CARD6: variants seen among roughly 807,000 people sequenced by gnomAD.
CARD6 encodes the protein caspase recruitment domain-containing protein 6.
Under a neutral mutation model 23.6 loss-of-function variants are expected in CARD6, and 27 were observed. That is an observed-to-expected ratio of 1.14 (90% CI 0.84 to 1.58). CARD6 has a LOEUF of 1.58. Among genes scored for constraint, CARD6 ranks in the 40% most tolerant of loss-of-function variants. The pLI, the probability that CARD6 is intolerant of heterozygous loss-of-function variation, is 0.00. For synonymous variants in CARD6, 397 were observed against 431.8 expected (o/e 0.92, Z 1.00); for missense variants, 1,214 against 1,209.9 (o/e 1.00, Z -0.05).
Position 40,854,660 on chromosome 5 carries a change from G to C in CARD6, c.*214G>C. 1 of 520,154 alleles carries C rather than the reference G, an allele frequency of 1.9e-6. No individual in the cohort carries two copies. Among genetic ancestry groups the C allele is most frequent in the Non-Finnish European group, 3.4e-6 (1 of 292,588 alleles). The allele number at this position is 520,154 out of a possible 1,614,324, so 32.2% of individuals were successfully genotyped here. A position where few individuals can be genotyped will look rare whatever the true frequency, so the allele number is the denominator to read the frequency against. On this transcript the variant is annotated 3_prime_UTR_variant, in exon 3 of 3. Transcript: ENST00000254691. ...GGCTGGAGTGCAATGGCACGATCTCGGCTCACCGCAACCTCTGCTTCCTGG... is the reference window on the plus strand; with the variant it reads ...GGCTGGAGTGCAATGGCACGATCTCCGCTCACCGCAACCTCTGCTTCCTGG...
Position 40,852,750 on chromosome 5 carries a change from C to T in CARD6, c.1418C>T (p.Thr473Ile). The change falls in exon 3 of 3, where the codon ACA becomes ATA. Residue 473 changes from threonine to isoleucine, a missense_variant. Coordinates refer to ENST00000254691, the MANE Select transcript of CARD6 (RefSeq NM_032587.4). ...CSFSKSRILN[T>I]LLSPAQLKLH... ...TTCTCTAAGTCCAGAATCCTCAACA[C>T]ACTTCTCAGCCCTGCCCAGTTGAAA... The T allele has an allele frequency of 1.2e-6, 2 of 1,613,944 alleles. No individual in the cohort carries two copies. Among genetic ancestry groups the T allele is most frequent in the Middle Eastern group, 1.7e-4 (1 of 6,060 alleles).
rs1458125710 is a variant in CARD6, at chr5:40,852,173, GAAAGAA to G, written c.845_850del (p.Arg282_Lys283del). Reference sequence around the variant, plus strand: ...ATTCACTATTATCTTCTCTCCTACAGAAAGAAAAAAGGTGTTTAAAGATGTCCTGTT... The same window carrying G: ...ATTCACTATTATCTTCTCTCCTACAGAAAAGGTGTTTAAAGATGTCCTGTT... On this transcript the variant is annotated inframe_deletion and splice_region_variant, in exon 3 of 3. Coordinates refer to ENST00000254691, the MANE Select transcript of CARD6 (RefSeq NM_032587.4). The G allele has an allele frequency of 1.3e-6, 2 of 1,586,050 alleles. No homozygotes were observed. The highest frequency in any genetic ancestry group is 4.5e-5 in the East Asian group (2 of 44,578).
rs1488329505 is a variant in CARD6 at position 40,852,376 on chromosome 5, G to T, written c.1044G>T (p.Lys348Asn). The T allele has an allele frequency of 1.2e-6, 2 of 1,614,002 alleles. No individual in the cohort carries two copies. The highest frequency in any genetic ancestry group is 2.7e-5 in the African/African-American group (2 of 74,932). The change falls in exon 3 of 3, where the codon AAG becomes AAT. Residue 348 changes from lysine to asparagine, a missense_variant. Transcript: ENST00000254691. ...VTARDSILSH[K>N]VLDEDSKEDL... is the part of the protein sequence containing the mutation. ...CTAGGGATTCAATCCTCAGTCACAA[G>T]GTTCTGGATGAAGATAGCAAGGAGG...
rs755043489 is a variant in CARD6, at chr5:40,843,582, C to T, written c.714C>T (p.His238=). The change falls in exon 2 of 3, where the codon CAC becomes CAT. Residue 238 remains histidine, a synonymous_variant. Coordinates refer to ENST00000254691, the MANE Select transcript of CARD6 (RefSeq NM_032587.4). The part of the protein sequence containing the change: ...VEEEVYDDPE[H]VGYDGEEDFE... Reference sequence around the variant, plus strand: ...AGGAGGTTTATGATGACCCAGAGCACGTTGGATATGATGGTGAAGAGGACT... The same window carrying T: ...AGGAGGTTTATGATGACCCAGAGCATGTTGGATATGATGGTGAAGAGGACT... The T allele has an allele frequency of 1.7e-5, 28 of 1,611,162 alleles. No homozygotes were observed. The highest frequency in any genetic ancestry group is 2.7e-5 in the African/African-American group (2 of 74,654).
chr5:40,846,510 T>G (rs1400585667), intron 2 of CARD6, among the ~76,000 whole-genome samples: 1 of 152,046 alleles, frequency 6.6e-6, no homozygotes, highest in Non-Finnish European at 1.5e-5. Flanking sequence ...ACAACAAAAA[T>G]TTCTTGTCTC....
At position 40,853,471 on chromosome 5, in the gene CARD6, G is replaced by A. The variant is rs764203570; in HGVS notation, c.2139G>A (p.Gln713=). Residue 713 remains glutamine (Q), a synonymous_variant, in exon 3 of 3, where the codon CAG becomes CAA. Transcript: ENST00000254691. Reference sequence around the variant, plus strand: ...CTGGGACTCAATGTGAGCTCAGCCAGAATCTTCAGAATCTCTATGGTACCC... The same window carrying A: ...CTGGGACTCAATGTGAGCTCAGCCAAAATCTTCAGAATCTCTATGGTACCC... The part of the protein sequence containing the change: ...QEPGTQCELS[Q]NLQNLYGTPV... 172 of 1,614,070 alleles carry A rather than the reference G, an allele frequency of 1.1e-4. 1 individual carries two copies. The highest frequency in any genetic ancestry group is 5.2e-4 in the Admixed American group (31 of 59,998).
Position 40,854,127 on chromosome 5 carries a change from G to T in CARD6, c.2795G>T (p.Gly932Val), listed in dbSNP as rs374577196. The T allele has an allele frequency of 1.2e-6, 2 of 1,613,952 alleles. No homozygotes were observed. Among genetic ancestry groups the T allele is most frequent in the Non-Finnish European group, 1.7e-6 (2 of 1,180,022 alleles). The change falls in exon 3 of 3, where the codon GGG (glycine) becomes GTG (valine). Residue 932 changes from glycine to valine, a missense_variant. Coordinates refer to ENST00000254691, the MANE Select transcript of CARD6 (RefSeq NM_032587.4). ...GCTTCAAATCCAGCTCTCCAAATAGGGTCCCATCCCATGTGCAAGAGCTCT... is the reference window on the plus strand; with the variant it reads ...GCTTCAAATCCAGCTCTCCAAATAGTGTCCCATCCCATGTGCAAGAGCTCT... ...GGASNPALQI[G>V]SHPMCKSSQF...
chr5:40,849,142 A>G (rs1272723927), intron 2 of CARD6, among the ~76,000 whole-genome samples: 3 of 151,948 alleles, frequency 2.0e-5, no homozygotes, highest in African/African-American at 7.3e-5. Flanking sequence ...GACTACAGGC[A>G]CCTGCCACCA....
Position 40,853,048 on chromosome 5 carries a change from A to G in CARD6, c.1716A>G (p.Gly572=), listed in dbSNP as rs1746103919. ...EKEWDLLMFL[G]EAAIERCYFV... is the part of the protein sequence containing the mutation. ...AATGGGACTTGCTAATGTTTTTAGGAGAGGCTGCCATTGAAAGATGCTACT... is the reference window on the plus strand; with the variant it reads ...AATGGGACTTGCTAATGTTTTTAGGGGAGGCTGCCATTGAAAGATGCTACT... Residue 572 remains glycine (G), a synonymous_variant, in exon 3 of 3, where the codon GGA becomes GGG. Transcript: ENST00000254691. The G allele has an allele frequency of 1.2e-6, 2 of 1,613,950 alleles. No individual in the cohort carries two copies. The highest frequency in any genetic ancestry group is 1.7e-5 in the Admixed American group (1 of 59,960).
intron 1 of CARD6, among the ~76,000 whole-genome samples, chr5:40,842,367 A>C (rs1430001555): frequency 6.6e-6 from 1 of 152,208 alleles, no homozygotes; most frequent in East Asian, 1.9e-4. Context: ...AAAAAGGTGA[A>C]TGTTAGTGAT....
chr5:40,846,060 T>A (rs191504910), intron 2 of CARD6, among the ~76,000 whole-genome samples: 1 of 151,932 alleles, frequency 6.6e-6, no homozygotes, highest in African/African-American at 2.4e-5. Flanking sequence ...TTGCCCAGGC[T>A]GGAGTGCAGT....
intron 2 of CARD6, among the ~76,000 whole-genome samples, chr5:40,844,193 CA>C (rs1327787963): frequency 2.6e-5 from 4 of 152,102 alleles, no homozygotes; most frequent in Non-Finnish European, 5.9e-5. Flanking sequence ...CACATAATGC[CA>C]TCTTGATGAG....
Position 40,853,343 on chromosome 5 carries a change from T to C in CARD6, c.2011T>C (p.Ser671Pro), listed in dbSNP as rs1746114136. 1.9e-6 allele frequency: 3 copies of C among 1,614,040 alleles called. No homozygotes were observed. Among genetic ancestry groups the C allele is most frequent in the African/African-American group, 2.7e-5 (2 of 74,926 alleles). ...FENTQRIQVSSGENMAGTAEG... is the reference protein window; with the variant it reads ...FENTQRIQVSPGENMAGTAEG... ...AAACACTCAGAGAATTCAAGTTTCC[T>C]CTGGAGAAAACATGGCTGGGACAGC... Residue 671 changes from serine (S) to proline (P), a missense_variant, in exon 3 of 3, where the codon TCT becomes CCT. By Grantham distance (74) the Ser-to-Pro change is moderately conservative. Coordinates refer to ENST00000254691, the MANE Select transcript of CARD6 (RefSeq NM_032587.4).
chr5:40,850,086 T>C (rs530971101), intron 2 of CARD6, among the ~76,000 whole-genome samples: 1 of 152,034 alleles, frequency 6.6e-6, no homozygotes, highest in South Asian at 2.1e-4. Flanking sequence ...AAATCTTCAG[T>C]TCCTGTAAAC....
intron 2 of CARD6, among the ~76,000 whole-genome samples, chr5:40,848,039 G>T (rs1745994115): frequency 6.6e-6 from 1 of 151,806 alleles, no homozygotes; most frequent in South Asian, 2.1e-4. Flanking sequence ...CTTCAGGTTA[G>T]ATATTTACTT....
rs1190342849 is a variant in CARD6, at chr5:40,853,405, A to C, written c.2073A>C (p.Lys691Asn). The change falls in exon 3 of 3, where the codon AAA (lysine) becomes AAC (asparagine). Residue 691 changes from lysine (K) to asparagine (N), a missense_variant. By Grantham distance (94) the Lys-to-Asn change is moderately conservative (BLOSUM62 0). Transcript: ENST00000254691. ...GEGQQRHSQL[K>N]SSSKSQALMP... ...GTCAGCAAAGACACAGTCAGCTAAAAAGCTCATCTAAAAGCCAGGCTCTAA... is the reference window on the plus strand; with the variant it reads ...GTCAGCAAAGACACAGTCAGCTAAACAGCTCATCTAAAAGCCAGGCTCTAA... 3.7e-6 allele frequency: 6 copies of C among 1,614,150 alleles called. No homozygotes were observed. Among genetic ancestry groups the C allele is most frequent in the East Asian group, 2.2e-5 (1 of 44,876 alleles).
At position 40,841,606 on chromosome 5, in the gene CARD6, T is replaced by C. The variant is rs1345694768; in HGVS notation, c.224T>C (p.Phe75Ser). Residue 75 changes from phenylalanine to serine, a missense_variant, in exon 1 of 3, where the codon TTT (phenylalanine) becomes TCT (serine). By Grantham distance (155) the Phe-to-Ser change is radical. Coordinates refer to ENST00000254691, the MANE Select transcript of CARD6 (RefSeq NM_032587.4). Reference protein sequence around the residue: ...QKKGEATCQHFLKCLFSTFPQ... With the variant: ...QKKGEATCQHSLKCLFSTFPQ... ...AAGGGAGAGGCGACCTGTCAGCATT[T>C]TCTCAAGTGTTTATTTAGTACTTTT... 8 of 1,614,032 alleles carry C rather than the reference T, an allele frequency of 5.0e-6. No homozygotes were observed. Among genetic ancestry groups the C allele is most frequent in the African/African-American group, 1.3e-5 (1 of 74,906 alleles).
intron 2 of CARD6, among the ~76,000 whole-genome samples, chr5:40,850,188 G>A (rs1442736187): frequency 6.6e-6 from 1 of 152,006 alleles, no homozygotes; most frequent in Non-Finnish European, 1.5e-5. Flanking sequence ...GCCGAGGCAG[G>A]CGCATCACGA....
At chr5:40,848,368 G>A (rs372789197) in intron 2 of CARD6, among the ~76,000 whole-genome samples, 61 of 151,748 alleles carry the variant, frequency 4.0e-4, no homozygotes, top group Non-Finnish European at 6.2e-4. Flanking sequence ...GGCACAGACC[G>A]CCAGGCCTGG....
Sources: gnomAD v4.1 joint callset for allele counts (sites outside exome capture counted in the v4.1 genomes callset) on GRCh38, gnomAD v4.1.1 for gene constraint, MANE v1.5 for transcripts, NCBI Gene and HGNC (gene_info 2026-07-23, HGNC 2026-07-21) for gene names.